The following EPHA5 variants were observed in gnomAD, a reference collection of about 807,000 sequenced individuals.
The protein encoded by EPHA5 is EPH receptor A5.
Under a neutral mutation model 105.0 loss-of-function variants are expected in EPHA5, and 60 were observed. The observed-to-expected ratio is 0.57, with a 90% CI of 0.46 to 0.71. The LOEUF (loss-of-function observed/expected upper bound fraction) is 0.71, where lower values mean the gene tolerates loss of function less well. EPHA5 is among the 30% of genes least tolerant of loss of function. EPHA5 has a pLI of 0.00. For missense variants in EPHA5, 1,218 were observed against 1,274.7 expected (o/e 0.96, Z 0.68); for synonymous variants, 513 against 449.1 (o/e 1.14, Z -1.80).
intron 4 of EPHA5, among the ~76,000 whole-genome samples, chr4:65,493,980 G>T (rs934664564): frequency 6.6e-6 from 1 of 152,086 alleles, no homozygotes; most frequent in African/African-American, 2.4e-5. Context: ...GCATTCATTT[G>T]CTCTCATAAG....
chr4:65,471,404 C>T (rs1729270923), intron 5 of EPHA5, among the ~76,000 whole-genome samples: 1 of 152,190 alleles, frequency 6.6e-6, no homozygotes, highest in Non-Finnish European at 1.5e-5. Context: ...ACCCATATCA[C>T]TAACAACTTG....
chr4:65,512,047 T>A (rs1733676745), intron 3 of EPHA5, among the ~76,000 whole-genome samples: 1 of 152,146 alleles, frequency 6.6e-6, no homozygotes, highest in Admixed American at 6.5e-5. Context: ...AAAAGACATG[T>A]TTGATAAGTG....
rs2148843222 is a variant in EPHA5 at position 65,348,191 on chromosome 4, G to T, written c.2458C>A (p.Pro820Thr). The change falls in exon 14 of 17, where the codon CCA becomes ACA. Residue 820 changes from proline (P) to threonine (T), a missense_variant. Pro to Thr is a conservative substitution (Grantham distance 38). This residue lies in a region of EPHA5 where 971 missense variants were observed against 1,013.5 expected (regional missense o/e 0.96). Coordinates refer to ENST00000613740, the MANE Select transcript of EPHA5 (RefSeq NM_001281766.3). ...GCTTCTGGGGCAGTCCATCTGATTG[G>T]AATTTTTCCTCCCTAAAATTGAAAA... is the stretch of plus-strand genomic sequence containing the variant. ...AAYTTRGGKI[P>T]IRWTAPEAIA... The T allele has an allele frequency of 6.2e-7, 1 of 1,609,872 alleles. No individual in the cohort carries two copies. Among genetic ancestry groups the T allele is most frequent in the Non-Finnish European group, 8.5e-7 (1 of 1,178,554 alleles).
intron 2 of EPHA5, among the ~76,000 whole-genome samples, chr4:65,610,152 TTGGAATAGTCTAATAGTCTATATA>T (rs1347867416): frequency 6.6e-6 from 1 of 152,038 alleles, no homozygotes; most frequent in Non-Finnish European, 1.5e-5. Context: ...ATAGTCTATA[TTGGAATAGTCTAATAGTCTATATA>T]TGGAATAGTC....
chr4:65,662,610 G>T (rs1321731092), intron 1 of EPHA5, among the ~76,000 whole-genome samples: 1 of 152,126 alleles, frequency 6.6e-6, no homozygotes, highest in Admixed American at 6.5e-5. Context: ...GAAACAAAAT[G>T]AACTAGGGAT....
At chr4:65,480,291 T>C (rs1014678970) in intron 5 of EPHA5, among the ~76,000 whole-genome samples, 7 of 152,194 alleles carry the variant, frequency 4.6e-5, no homozygotes, top group African/African-American at 1.7e-4. Context: ...GTCAACTTCA[T>C]TGGAATGCAT....
intron 3 of EPHA5, among the ~76,000 whole-genome samples, chr4:65,509,020 T>G (rs916471622): frequency 2.0e-5 from 3 of 152,162 alleles, no homozygotes; most frequent in African/African-American, 7.2e-5. Context: ...CTATAAAATA[T>G]TCCTCTTTTG....
intron 7 of EPHA5, among the ~76,000 whole-genome samples, chr4:65,408,653 G>C (rs1014196239): frequency 1.6e-4 from 25 of 151,942 alleles, no homozygotes; most frequent in Admixed American, 9.2e-4. Flanking sequence ...CCATCTCACA[G>C]CAGTTAGAAT....
intron 13 of EPHA5, 56 bp downstream of exon 13, chr4:65,351,333 T>A: frequency 6.7e-7 from 1 of 1,486,266 alleles, no homozygotes; most frequent in Non-Finnish European, 9.2e-7. Context: ...TTTCAGAATC[T>A]TTAAAAATAA....
At chr4:65,438,226 A>G (rs1326098044) in intron 5 of EPHA5, among the ~76,000 whole-genome samples, 2 of 152,130 alleles carry the variant, frequency 1.3e-5, no homozygotes, top group African/African-American at 4.8e-5. Context: ...GACCATCAAA[A>G]TAATCATAAC....
intron 1 of EPHA5, among the ~76,000 whole-genome samples, chr4:65,644,752 A>G (rs531731028): frequency 1.1e-4 from 16 of 152,176 alleles, no homozygotes; most frequent in African/African-American, 2.6e-4. Flanking sequence ...GAACATGCAT[A>G]TCTTATAAAC....
intron 6 of EPHA5, among the ~76,000 whole-genome samples, chr4:65,416,742 T>C (rs1329947875): frequency 6.6e-6 from 1 of 152,206 alleles, no homozygotes; most frequent in African/African-American, 2.4e-5. Context: ...TAATTGTACA[T>C]TGGCTCTCTC....
At chr4:65,403,568 C>A (rs1483856789) in intron 8 of EPHA5, among the ~76,000 whole-genome samples, 1 of 150,396 alleles carries the variant, frequency 6.6e-6, no homozygotes, top group African/African-American at 2.5e-5. Context: ...TGTAGGAAAA[C>A]AGCATACTCT....
chr4:65,552,269 T>A (rs1236264755), intron 3 of EPHA5, among the ~76,000 whole-genome samples: 1 of 152,176 alleles, frequency 6.6e-6, no homozygotes, highest in Non-Finnish European at 1.5e-5. Flanking sequence ...TTGACCACAT[T>A]ACAATTTTCA....
chr4:65,660,268 T>C (rs1470885929), intron 1 of EPHA5, among the ~76,000 whole-genome samples: 2 of 152,138 alleles, frequency 1.3e-5, no homozygotes, highest in African/African-American at 4.8e-5. Context: ...ATGGTTTCCA[T>C]TTATTTCCTA....
At chr4:65,487,786 A>T (rs1731019334) in intron 5 of EPHA5, among the ~76,000 whole-genome samples, 1 of 152,188 alleles carries the variant, frequency 6.6e-6, no homozygotes, top group Admixed American at 6.5e-5. Context: ...GATTTGAGTA[A>T]TAATAAAACT....
Position 65,345,670 on chromosome 4 carries a change from AGAC to A in EPHA5, c.2595+2381_2595+2383del, listed in dbSNP as rs547175637. On this transcript the variant is annotated intron_variant, in intron 14 of 16. Transcript: ENST00000613740. ...TCATCAAGGGTCTTTGGAAGAGCTC[AGAC>A]AGATAACTCACTTGAGAACTAATGC... Among the ~76,000 whole-genome samples, 363 of 152,398 alleles carry A rather than the reference AGAC, an allele frequency of 2.4e-3. 3 individuals are homozygous for A. The highest frequency in any genetic ancestry group is 8.3e-3 in the African/African-American group (347 of 41,602).
chr4:65,468,837 G>C (rs912843261), intron 5 of EPHA5, among the ~76,000 whole-genome samples: 8 of 151,554 alleles, frequency 5.3e-5, no homozygotes, highest in African/African-American at 1.9e-4. Flanking sequence ...ATGTGGGCAA[G>C]AAAACATGCT....
At chr4:65,580,694 C>A (rs1031750494) in intron 3 of EPHA5, among the ~76,000 whole-genome samples, 2 of 151,824 alleles carry the variant, frequency 1.3e-5, no homozygotes, top group Non-Finnish European at 2.9e-5. Flanking sequence ...CTCCCTCCTC[C>A]CCTGTCCCTC....
Sources: gnomAD v4.1 joint callset for allele counts (sites outside exome capture counted in the v4.1 genomes callset) on GRCh38, gnomAD v4.1.1 for gene constraint, gnomAD v4.1.1 regional missense constraint, MANE v1.5 for transcripts, NCBI Gene and HGNC (gene_info 2026-07-23, HGNC 2026-07-21) for gene names.